Variants in SATB2 observed in about 807,000 individuals in gnomAD.
The protein encoded by SATB2 is SATB homeobox 2.
A neutral mutation model predicts 73.4 loss-of-function variants in SATB2; 1 was observed. The observed-to-expected ratio is 0.01, with a 90% confidence interval of 0.00 to 0.06. The LOEUF is 0.06. SATB2 is among the 10% of genes least tolerant of loss of function. The pLI, the probability that SATB2 is intolerant of heterozygous loss-of-function variation, is 1.00. For missense variants in SATB2, 459 were observed against 945.8 expected, an observed-to-expected ratio of 0.49 and a Z score of 6.75; for synonymous variants, 397 against 367.0, an observed-to-expected ratio of 1.08 and a Z score of -0.93.
chr2:199,299,420 G>T (rs1270991824), intron 10 of SATB2, among the ~76,000 whole-genome samples: 1 of 152,082 alleles, frequency 6.6e-6, no homozygotes, highest in Non-Finnish European at 1.5e-5. Context: ...GTGTTTCAGA[G>T]ATATTACCTG....
At chr2:199,393,699 T>C (rs1046807143) in intron 3 of SATB2, among the ~76,000 whole-genome samples, 3 of 152,162 alleles carry the variant, frequency 2.0e-5, no homozygotes, top group Non-Finnish European at 4.4e-5. Context: ...CAACATTGAA[T>C]TGGTTGATTG....
chr2:199,352,361 G>A (rs779168157), intron 6 of SATB2, among the ~76,000 whole-genome samples: 1 of 152,060 alleles, frequency 6.6e-6, no homozygotes, highest in African/African-American at 2.4e-5. Flanking sequence ...CATAGACCTA[G>A]TCAAAATCAT....
At chr2:199,281,617 T>C (rs1692499703) in intron 10 of SATB2, among the ~76,000 whole-genome samples, 2 of 152,182 alleles carry the variant, frequency 1.3e-5, no homozygotes, top group African/African-American at 4.8e-5. Context: ...ATATATAAAA[T>C]ATCATGTAAT....
intron 3 of SATB2, among the ~76,000 whole-genome samples, chr2:199,393,260 A>AAAGGAGGG (rs1690201848): frequency 6.6e-6 from 1 of 152,168 alleles, no homozygotes; most frequent in South Asian, 2.1e-4. Flanking sequence ...GGAAAGAAGA[A>AAAGGAGGG]AAGGAGGGAA....
chr2:199,456,790 C>G (rs6435018), intron 1 of SATB2, among the ~76,000 whole-genome samples: 147,951 of 152,306 alleles, frequency 0.97, 71,994 homozygotes, highest in East Asian at 1. Context: ...ATCTGATCCC[C>G]AGTGCTTTTT....
At chr2:199,445,922 G>A (rs1416459520) in intron 2 of SATB2, among the ~76,000 whole-genome samples, 1 of 152,100 alleles carries the variant, frequency 6.6e-6, no homozygotes, top group Non-Finnish European at 1.5e-5. Context: ...TCATTGCAAG[G>A]TTTCTTTAGT....
At chr2:199,397,887 A>AAAG (rs1465646127) in intron 3 of SATB2, 3 of 288,616 alleles carry the variant, frequency 1.0e-5, no homozygotes. Flanking sequence ...AACAAACAAA[A>AAAG]CAGAAAGATA....
At chr2:199,278,043 G>A (rs551512430) in intron 10 of SATB2, among the ~76,000 whole-genome samples, 17 of 152,232 alleles carry the variant, frequency 1.1e-4, no homozygotes, top group South Asian at 6.2e-4. Flanking sequence ...GAGATAGATC[G>A]TAAATAAAAT....
intron 9 of SATB2, among the ~76,000 whole-genome samples, chr2:199,311,313 A>G (rs549994734): frequency 2.2e-4 from 33 of 152,194 alleles, no homozygotes; most frequent in African/African-American, 7.5e-4. Flanking sequence ...TAGTTTCCCC[A>G]CAAAGTGTTT....
At chr2:199,288,642 T>C (rs1316621696) in intron 10 of SATB2, among the ~76,000 whole-genome samples, 1 of 152,206 alleles carries the variant, frequency 6.6e-6, no homozygotes, top group African/African-American at 2.4e-5. Flanking sequence ...GCTTTCTGAA[T>C]GTAACCACTT....
intron 7 of SATB2, among the ~76,000 whole-genome samples, chr2:199,339,575 C>T (rs991572681): frequency 6.6e-6 from 1 of 152,114 alleles, no homozygotes; most frequent in Non-Finnish European, 1.5e-5. Flanking sequence ...GTTTCCTTGT[C>T]ATTTTATAAC....
At chr2:199,307,746 G>T (rs779323429) in intron 10 of SATB2, among the ~76,000 whole-genome samples, 4 of 152,268 alleles carry the variant, frequency 2.6e-5, no homozygotes, top group South Asian at 2.1e-4. Flanking sequence ...AAACATGTGA[G>T]GGGGGAGGGA....
chr2:199,319,860 A>C (rs1687837153), intron 9 of SATB2, among the ~76,000 whole-genome samples: 1 of 152,130 alleles, frequency 6.6e-6, no homozygotes, highest in South Asian at 2.1e-4. Context: ...AGAAGAAAAA[A>C]ACAATCAGTG....
chr2:199,281,494 C>CACACACAA (rs1184987491), intron 10 of SATB2, among the ~76,000 whole-genome samples: 1 of 151,502 alleles, frequency 6.6e-6, no homozygotes, highest in Admixed American at 6.6e-5. Flanking sequence ...CACACACACA[C>CACACACAA]AATTTTTTTT....
chr2:199,296,456 C>T (rs1295852667), intron 10 of SATB2, among the ~76,000 whole-genome samples: 4 of 151,986 alleles, frequency 2.6e-5, no homozygotes, highest in South Asian at 2.1e-4. Context: ...TTTGGGAGGC[C>T]GAGGCAGGTA....
intron 10 of SATB2, among the ~76,000 whole-genome samples, chr2:199,291,648 C>G (rs2105742895): frequency 6.6e-6 from 1 of 152,220 alleles, no homozygotes; most frequent in East Asian, 1.9e-4. Context: ...TGCAGTAGCT[C>G]ACATCTGTAA....
intron 3 of SATB2, among the ~76,000 whole-genome samples, chr2:199,416,413 T>C (rs1281397761): frequency 6.6e-6 from 1 of 152,184 alleles, no homozygotes; most frequent in Admixed American, 6.5e-5. Context: ...AGTTGGTAAT[T>C]CTAATATTAA....
rs188875565 is a variant in SATB2 at position 199,280,952 on chromosome 2, G to T, written c.1741-8280C>A. ...GAAAATCACTAATAAAAACTTGCTGGTTTTGCGGCTTGTGGGGCATCAGGG... is the reference window on the plus strand; with the variant it reads ...GAAAATCACTAATAAAAACTTGCTGTTTTTGCGGCTTGTGGGGCATCAGGG... On this transcript the variant is annotated intron_variant, in intron 10 of 10. Transcript: ENST00000417098. 9.5e-4 allele frequency among the ~76,000 whole-genome samples: 145 copies of T among 152,242 alleles called. 1 individual carries two copies. The highest frequency in any genetic ancestry group is 3.4e-3 in the African/African-American group (142 of 41,536).
At chr2:199,354,493 A>G (rs896228678) in intron 6 of SATB2, among the ~76,000 whole-genome samples, 15 of 152,190 alleles carry the variant, frequency 9.9e-5, no homozygotes, top group African/African-American at 3.6e-4. Context: ...TTGCCTGGAA[A>G]GGAATGATGT....
Sources: allele counts gnomAD v4.1 joint callset (sites outside exome capture counted in the v4.1 genomes callset), GRCh38; gene constraint gnomAD v4.1.1; transcripts MANE v1.5; gene names NCBI Gene and HGNC (gene_info 2026-07-23, HGNC 2026-07-21).